Variants in CSPP1 observed in about 807,000 individuals in gnomAD.
CSPP1 encodes the protein centrosome and spindle pole-associated protein 1.
CSPP1 carries 126 observed loss-of-function variants against 164.4 expected under a neutral mutation model. The ratio of observed to expected loss-of-function variants is 0.77; its 90% confidence interval spans 0.66 to 0.89. The LOEUF (loss-of-function observed/expected upper bound fraction) is 0.89. CSPP1 is among the 40% of genes least tolerant of loss of function. The pLI, the probability that CSPP1 is intolerant of heterozygous loss-of-function variation, is 0.00. For missense variants in CSPP1, 1,395 were observed against 1,449.8 expected, an observed-to-expected ratio of 0.96 and a Z score of 0.61; for synonymous variants, 472 against 476.7, an observed-to-expected ratio of 0.99 and a Z score of 0.13.
intron 3 of CSPP1, among the ~76,000 whole-genome samples, chr8:67,079,330 T>C (rs1352671810): frequency 2.0e-5 from 3 of 152,226 alleles, no homozygotes; most frequent in African/African-American, 4.8e-5. Context: ...AATTAACTTA[T>C]ACTCTTGTCA....
Position 67,115,916 on chromosome 8 carries a change from T to G in CSPP1, c.1290T>G (p.Pro430=). Residue 430 remains proline, a splice_region_variant and synonymous_variant, in exon 13 of 31, where the codon CCT becomes CCG. Transcript: ENST00000678616. Reference sequence around the variant, plus strand: ...CAGATTTTTTTTCTTTATTTTAGCCTGATAGACTAAAGCAGTTTAGTGTGG... The same window carrying G: ...CAGATTTTTTTTCTTTATTTTAGCCGGATAGACTAAAGCAGTTTAGTGTGG... ...LTSLQLSKEE[P]DRLKQFSVAP... 6.2e-7 allele frequency: 1 copy of G among 1,613,198 alleles called. No individual in the cohort carries two copies. Among genetic ancestry groups the G allele is most frequent in the Non-Finnish European group, 8.5e-7 (1 of 1,179,164 alleles).
intron 14 of CSPP1, 22 bp from the exon 15 acceptor site, chr8:67,118,717 TTTTG>T (rs1315694763): frequency 1.3e-6 from 2 of 1,503,648 alleles, no homozygotes; most frequent in Admixed American, 3.7e-5. Context: ...AATAAACTTT[TTTTG>T]TTTTTTTGTT....
In CSPP1 at chr8:67,132,028, C is replaced by T. The variant is rs767318500; in HGVS notation, c.1775C>T (p.Pro592Leu). The change falls in exon 16 of 31, where the codon CCG (proline) becomes CTG (leucine). Residue 592 changes from proline to leucine, a missense_variant. Pro to Leu is a moderately conservative substitution (Grantham distance 98, BLOSUM62 -3). Coordinates refer to ENST00000678616, the MANE Select transcript of CSPP1 (RefSeq NM_001382391.1). ...INSGLIFEDK[P>L]KPSKQSLQSY... is the part of the protein sequence containing the mutation. Reference sequence around the variant, plus strand: ...TCAGGATTGATTTTTGAAGATAAACCGAAACCTTCCAAACAGTCACTTCAG... The same window carrying T: ...TCAGGATTGATTTTTGAAGATAAACTGAAACCTTCCAAACAGTCACTTCAG... The T allele has an allele frequency of 6.8e-6, 11 of 1,613,510 alleles. No individual in the cohort carries two copies. The highest frequency in any genetic ancestry group is 2.2e-5 in the East Asian group (1 of 44,854).
In CSPP1 at chr8:67,105,995, C is replaced by T. The variant is rs1815439326; in HGVS notation, c.1093+20C>T. 2 of 1,308,510 alleles carry T rather than the reference C, an allele frequency of 1.5e-6. No homozygotes were observed. Among genetic ancestry groups the T allele is most frequent in the African/African-American group, 2.9e-5 (2 of 68,888 alleles). The allele number at this position is 1,308,510 out of a possible 1,614,324, so 81.1% of individuals were successfully genotyped here. Reference sequence around the variant, plus strand: ...TCTTTGGTAGGCACAAAACTTCCAACTAGTTGCGCTTGTATAGAGTGTCTT... The same window carrying T: ...TCTTTGGTAGGCACAAAACTTCCAATTAGTTGCGCTTGTATAGAGTGTCTT... On this transcript the variant is annotated intron_variant, in intron 9 of 30. Transcript: ENST00000678616.
intron 18 of CSPP1, among the ~76,000 whole-genome samples, chr8:67,152,933 C>T (rs1028465143): frequency 1.1e-4 from 17 of 152,190 alleles, no homozygotes; most frequent in African/African-American, 3.9e-4. Context: ...CACGCTGGCT[C>T]ACGCCTGTAA....
chr8:67,098,938 A>G (rs960213855), intron 7 of CSPP1, among the ~76,000 whole-genome samples: 5 of 151,718 alleles, frequency 3.3e-5, no homozygotes, highest in Non-Finnish European at 5.9e-5. Context: ...CACAGTTAAC[A>G]TCTCAGAGTG....
intron 30 of CSPP1, among the ~76,000 whole-genome samples, chr8:67,194,428 C>CCAAA (rs1837303210): frequency 6.6e-6 from 1 of 151,944 alleles, no homozygotes; most frequent in Non-Finnish European, 1.5e-5. Flanking sequence ...TAATTCCACA[C>CCAAA]CAAACACAAA....
At chr8:67,077,846 C>T (rs1808288132) in intron 3 of CSPP1, among the ~76,000 whole-genome samples, 1 of 152,208 alleles carries the variant, frequency 6.6e-6, no homozygotes. Flanking sequence ...AGTCAGTAAG[C>T]TTTGTCTCTG....
At chr8:67,158,657 A>G (rs1827138818) in intron 20 of CSPP1, 61 bp downstream of exon 20, 5 of 1,506,062 alleles carry the variant, frequency 3.3e-6, no homozygotes, top group Non-Finnish European at 3.5e-6. Context: ...CTTTGACTTG[A>G]AAAGGTATTT....
chr8:67,083,548 A>AAAAAAAAAAAAAAAT (rs1332248754), intron 3 of CSPP1: 2 of 91,480 alleles, frequency 2.2e-5, no homozygotes, highest in South Asian at 7.2e-4. Context: ...AAAAAAAAAA[A>AAAAAAAAAAAAAAAT]ATATATATAT....
intron 18 of CSPP1, among the ~76,000 whole-genome samples, chr8:67,151,568 A>G (rs1219309371): frequency 6.6e-6 from 1 of 152,150 alleles, no homozygotes; most frequent in African/African-American, 2.4e-5. Flanking sequence ...AAACACCAGA[A>G]AATCAACAGT....
At position 67,086,078 on chromosome 8, in the gene CSPP1, T is replaced by A. The variant is rs374300498; in HGVS notation, c.271T>A (p.Leu91Met). 14 of 1,503,722 alleles carry A rather than the reference T, an allele frequency of 9.3e-6. No homozygotes were observed. Among genetic ancestry groups the A allele is most frequent in the African/African-American group, 1.4e-5 (1 of 72,840 alleles). 93.1% of individuals were successfully genotyped at this position (1,503,722 alleles called of 1,614,324 possible). A position where few individuals can be genotyped will look rare whatever the true frequency, so the allele number is the denominator to read the frequency against. Reference sequence around the variant, plus strand: ...GAAGAAACATAAATTAAAAGAAGAATTGCGGCAAGATTACAGACGTTATCT... The same window carrying A: ...GAAGAAACATAAATTAAAAGAAGAAATGCGGCAAGATTACAGACGTTATCT... Reference protein sequence around the residue: ...ERKKHKLKEELRQDYRRYLTQ... With the variant: ...ERKKHKLKEEMRQDYRRYLTQ... Residue 91 changes from leucine to methionine, a missense_variant, in exon 4 of 31, where the codon TTG becomes ATG. Physicochemically the swap from Leu to Met is conservative, Grantham distance 15. Transcript: ENST00000678616.
rs1816940602 is a variant in CSPP1 at position 67,111,967 on chromosome 8, T to C, written c.1094-5T>C. On this transcript the variant is annotated splice_region_variant and splice_polypyrimidine_tract_variant and intron_variant, in intron 9 of 30. Coordinates refer to ENST00000678616, the MANE Select transcript of CSPP1 (RefSeq NM_001382391.1). Reference sequence around the variant, plus strand: ...AGATTGTATTTTTCTCATACCACTATCTAGGAGGTGAAGATCGAGAACTTA... The same window carrying C: ...AGATTGTATTTTTCTCATACCACTACCTAGGAGGTGAAGATCGAGAACTTA... The C allele has an allele frequency of 6.3e-7, 1 of 1,582,850 alleles. No homozygotes were observed. The highest frequency in any genetic ancestry group is 1.1e-5 in the South Asian group (1 of 89,416).
intron 21 of CSPP1, 81 bp from the exon 22 acceptor site, chr8:67,161,730 C>A: frequency 1.5e-6 from 1 of 686,964 alleles, no homozygotes; most frequent in Non-Finnish European, 2.5e-6. Flanking sequence ...ACTTTCTTAA[C>A]TATAAGGGGT....
At position 67,099,850 on chromosome 8, in the gene CSPP1, T is replaced by A. The variant is rs184090296; in HGVS notation, c.924-3187T>A. 2.0e-5 allele frequency among the ~76,000 whole-genome samples: 3 copies of A among 152,310 alleles called. No homozygotes were observed. The East Asian group carries it at 5.8e-4, about 29-fold the overall frequency. On this transcript the variant is annotated intron_variant, in intron 7 of 30. Transcript: ENST00000678616. ...TTAATAGAGAATAAGGTGGCTAACT[T>A]ACCAAACTATAGTTTGTCTTTTCAG... is the stretch of plus-strand genomic sequence containing the variant.
At chr8:67,181,099 A>G (rs1322890282) in intron 28 of CSPP1, among the ~76,000 whole-genome samples, 71 of 151,790 alleles carry the variant, frequency 4.7e-4, no homozygotes, top group Non-Finnish European at 5.9e-5. Context: ...GTGCAGCAGC[A>G]CAATCATTGC....
chr8:67,196,286 T>C lies in CSPP1; in HGVS notation c.*693T>C, dbSNP rs1033311226. On this transcript the variant is annotated 3_prime_UTR_variant, in exon 31 of 31. Transcript: ENST00000678616. Reference sequence around the variant, plus strand: ...AAATCTTTTTAACTACTATGGAGCTTTCTAGACTAGTTTTCTAGAGGTTGA... The same window carrying C: ...AAATCTTTTTAACTACTATGGAGCTCTCTAGACTAGTTTTCTAGAGGTTGA... The C allele has an allele frequency of 6.6e-6, 1 of 152,246 alleles. No individual in the cohort carries two copies. The highest frequency in any genetic ancestry group is 2.4e-5 in the African/African-American group (1 of 41,468). The allele number at this position is 152,246 out of a possible 1,614,324, so 9.4% of individuals were successfully genotyped here. A position where few individuals can be genotyped will look rare whatever the true frequency, so the allele number is the denominator to read the frequency against.
chr8:67,139,677 G>A (rs1438516823), intron 17 of CSPP1, among the ~76,000 whole-genome samples: 2 of 152,222 alleles, frequency 1.3e-5, no homozygotes, highest in Non-Finnish European at 2.9e-5. Context: ...AAAAGGCTGA[G>A]TTCATGTCCT....
intron 27 of CSPP1, among the ~76,000 whole-genome samples, chr8:67,178,149 A>G (rs1009397053): frequency 2.0e-5 from 3 of 152,262 alleles, no homozygotes; most frequent in Non-Finnish European, 4.4e-5. Flanking sequence ...CTGAGATAAT[A>G]TATTAAAAGC....
Sources: gnomAD v4.1 joint callset for allele counts (sites outside exome capture counted in the v4.1 genomes callset) on GRCh38, gnomAD v4.1.1 for gene constraint, MANE v1.5 for transcripts, NCBI Gene and HGNC (gene_info 2026-07-23, HGNC 2026-07-21) for gene names.